The following MTMR9 variants were observed in gnomAD, a reference collection of about 807,000 sequenced individuals.
MTMR9 encodes myotubularin-related protein 9.
A neutral mutation model predicts 69.5 loss-of-function variants in MTMR9; 39 were observed. That is an observed-to-expected ratio of 0.56 (90% confidence interval 0.43 to 0.73). The LOEUF is 0.73. Ranked by LOEUF, MTMR9 falls within the 30% of genes least tolerant of loss-of-function variation. The pLI is 0.00. For synonymous variants in MTMR9, 354 were observed against 240.8 expected (o/e 1.47, Z -4.35); for missense variants, 900 against 671.2 (o/e 1.34, Z -3.77).
At chr8:11,286,748 T>G (rs1799176104) in intron 1 of MTMR9, among the ~76,000 whole-genome samples, 1 of 151,684 alleles carries the variant, frequency 6.6e-6, no homozygotes, top group Non-Finnish European at 1.5e-5. Context: ...TGGCATTCTG[T>G]GTCTCGGCCC....
chr8:11,293,818 C>T (rs78455370), intron 1 of MTMR9, among the ~76,000 whole-genome samples: 3,144 of 150,426 alleles, frequency 0.021, 125 homozygotes, highest in African/African-American at 0.073. Flanking sequence ...AAAGACTGAC[C>T]TGTCTTCAAT....
intron 5 of MTMR9, among the ~76,000 whole-genome samples, chr8:11,306,763 C>T (rs1446542711): frequency 6.6e-6 from 1 of 152,190 alleles, no homozygotes; most frequent in African/African-American, 2.4e-5. Flanking sequence ...GTTTTAACTA[C>T]AGTTACCATG....
rs1487587855 is a variant in MTMR9, at chr8:11,284,878, C to T, written c.-11C>T. On this transcript the variant is annotated 5_prime_UTR_variant, in exon 1 of 10. Transcript: ENST00000221086. ...CCGGGCTCGGTTCCCTGGCTCCGGC[C>T]GCGGGGGAGCATGGAGTTTGCGGAG... 3 of 1,514,268 alleles carry T rather than the reference C, an allele frequency of 2.0e-6. No individual in the cohort carries two copies. The highest frequency in any genetic ancestry group is 1.7e-4 in the Middle Eastern group (1 of 5,742). 93.8% of individuals were successfully genotyped at this position (1,514,268 alleles called of 1,614,324 possible).
Position 11,309,547 on chromosome 8 carries a change from G to A in MTMR9, c.830G>A (p.Ser277Asn), listed in dbSNP as rs898312398. The change falls in exon 6 of 10, where the codon AGC becomes AAC. Residue 277 changes from serine to asparagine, a missense_variant. Coordinates refer to ENST00000221086, the MANE Select transcript of MTMR9 (RefSeq NM_015458.4). ...AAAAGGTATCACATTCTTCAGGAGA[G>A]CTTAATCAAACTTGTGGAAGCTTGT... ...SIERYHILQE[S>N]LIKLVEACND... 3.1e-6 allele frequency: 5 copies of A among 1,613,448 alleles called. No individual in the cohort carries two copies. Among genetic ancestry groups the A allele is most frequent in the Non-Finnish European group, 4.2e-6 (5 of 1,179,654 alleles).
intron 3 of MTMR9, among the ~76,000 whole-genome samples, chr8:11,302,591 C>T (rs935332255): frequency 1.3e-5 from 2 of 152,050 alleles, no homozygotes; most frequent in African/African-American, 4.8e-5. Context: ...TTTATTTAAT[C>T]TGATAAAGGA....
downstream of MTMR9, among the ~76,000 whole-genome samples, chr8:11,328,992 G>T (rs1245862120): frequency 6.6e-6 from 1 of 152,164 alleles, no homozygotes; most frequent in African/African-American, 2.4e-5. Context: ...TTCATTATTT[G>T]CATATGGATA....
chr8:11,295,897 A>T (rs933660390), intron 2 of MTMR9, among the ~76,000 whole-genome samples: 2 of 152,154 alleles, frequency 1.3e-5, no homozygotes, highest in African/African-American at 4.8e-5. Context: ...GACTATTCCC[A>T]TCTGCCCTCT....
downstream of MTMR9, chr8:11,331,243 G>T (rs6990563): frequency 6.2e-7 from 1 of 1,613,040 alleles, no homozygotes; most frequent in Non-Finnish European, 8.5e-7. Flanking sequence ...GCCCTGCTGG[G>T]TGGGGGCCTG....
intron 6 of MTMR9, among the ~76,000 whole-genome samples, chr8:11,312,012 A>G (rs1800220600): frequency 6.6e-6 from 1 of 152,050 alleles, no homozygotes; most frequent in Non-Finnish European, 1.5e-5. Flanking sequence ...TCATCATGAA[A>G]TTGCAGCAAT....
intron 6 of MTMR9, among the ~76,000 whole-genome samples, chr8:11,311,340 A>G (rs906509570): frequency 2.0e-5 from 3 of 152,230 alleles, no homozygotes; most frequent in African/African-American, 7.2e-5. Context: ...ATGTCCAACT[A>G]TAGGATTAAG....
chr8:11,331,544 C>A (rs772963039), downstream of MTMR9: 5 of 1,613,792 alleles, frequency 3.1e-6, no homozygotes, highest in Non-Finnish European at 2.5e-6. Context: ...CTGTCCTCAC[C>A]CTCTGCCTTG....
intron 5 of MTMR9, among the ~76,000 whole-genome samples, chr8:11,308,526 C>T (rs1205511647): frequency 6.6e-6 from 1 of 152,110 alleles, no homozygotes; most frequent in Non-Finnish European, 1.5e-5. Flanking sequence ...TCTCCTTACT[C>T]ATTATTGGTC....
In MTMR9 at chr8:11,309,644, A is replaced by G; in HGVS notation, c.927A>G (p.Lys309=). Residue 309 remains lysine (K), a synonymous_variant, in exon 6 of 10, where the codon AAA becomes AAG. Coordinates refer to ENST00000221086, the MANE Select transcript of MTMR9 (RefSeq NM_015458.4). ...CCTCTAACTGGCTGACTCACATCAA[A>G]GAGATTCTGACAACTGCCTGCCTAG... ...LEASNWLTHI[K]EILTTACLAA... is the part of the protein sequence containing the mutation. 6.2e-7 allele frequency: 1 copy of G among 1,613,974 alleles called. No individual in the cohort carries two copies. Among genetic ancestry groups the G allele is most frequent in the East Asian group, 2.2e-5 (1 of 44,886 alleles).
intron 1 of MTMR9, among the ~76,000 whole-genome samples, chr8:11,288,267 TTATAA>T (rs1345396562): frequency 7.2e-6 from 1 of 138,708 alleles, no homozygotes; most frequent in African/African-American, 2.7e-5. Flanking sequence ...TAATTATATA[TTATAA>T]TATAGTATAA....
At chr8:11,286,261 A>C (rs1407014219) in intron 1 of MTMR9, among the ~76,000 whole-genome samples, 1 of 151,812 alleles carries the variant, frequency 6.6e-6, no homozygotes. Flanking sequence ...CTAAAATAAA[A>C]ATTTCTAATG....
downstream of MTMR9, among the ~76,000 whole-genome samples, chr8:11,330,697 T>C (rs1017526118): frequency 3.9e-4 from 60 of 152,034 alleles, no homozygotes; most frequent in African/African-American, 1.4e-3. Context: ...ATGTGCTTTG[T>C]TAAACAGATA....
chr8:11,320,605 G>C (rs1800638715), intron 9 of MTMR9: 1 of 152,058 alleles, frequency 6.6e-6, no homozygotes. Context: ...TGGTGGTGCG[G>C]GTCTGTAGCC....
intron 6 of MTMR9, among the ~76,000 whole-genome samples, chr8:11,312,746 C>T (rs996026012): frequency 2.0e-5 from 3 of 152,192 alleles, no homozygotes; most frequent in African/African-American, 7.2e-5. Context: ...CCAGAACCAT[C>T]AGAGGAATCA....
chr8:11,309,399 G>A (rs1200863552), intron 5 of MTMR9, 128 bp from the exon 6 acceptor site: 1 of 743,272 alleles, frequency 1.3e-6, no homozygotes, highest in Non-Finnish European at 2.1e-6. Context: ...ATTATAGCAG[G>A]GTAAATATTT....
Sources: gnomAD v4.1 joint callset for allele counts (sites outside exome capture counted in the v4.1 genomes callset) on GRCh38, gnomAD v4.1.1 for gene constraint, MANE v1.5 for transcripts, NCBI Gene and HGNC (gene_info 2026-07-23, HGNC 2026-07-21) for gene names.